The following AP4E1 variants were observed in gnomAD, a reference collection of about 807,000 sequenced individuals.
AP4E1 encodes the protein AP-4 complex subunit epsilon-1.
In AP4E1, 56 loss-of-function variants were observed where a neutral mutation model predicts 128.2. The ratio of observed to expected loss-of-function variants is 0.44; its 90% CI spans 0.35 to 0.55. The LOEUF (loss-of-function observed/expected upper bound fraction) is 0.55. Among genes scored for constraint, AP4E1 ranks in the 20% least tolerant of loss-of-function variants. AP4E1 has a pLI of 0.00. For missense variants in AP4E1, 1,324 were observed against 1,307.7 expected, an observed-to-expected ratio of 1.01 and a Z score of -0.19; for synonymous variants, 484 against 473.1, an observed-to-expected ratio of 1.02 and a Z score of -0.30.
chr15:50,942,117 A>C (rs1255811714), intron 10 of AP4E1, among the ~76,000 whole-genome samples: 1 of 152,154 alleles, frequency 6.6e-6, no homozygotes, highest in Non-Finnish European at 1.5e-5. Flanking sequence ...GGGTTTCACC[A>C]TATTGGCCAG....
At chr15:50,985,865 G>C (rs1185828931) in intron 16 of AP4E1, among the ~76,000 whole-genome samples, 1 of 152,192 alleles carries the variant, frequency 6.6e-6, no homozygotes, top group Non-Finnish European at 1.5e-5. Flanking sequence ...TTGGTAGCTT[G>C]ATGGGGATGG....
chr15:50,986,225 T>C (rs2064721373), intron 16 of AP4E1, among the ~76,000 whole-genome samples: 1 of 152,198 alleles, frequency 6.6e-6, no homozygotes, highest in African/African-American at 2.4e-5. Flanking sequence ...TGTGGGGTTT[T>C]CTAGATATAC....
intron 19 of AP4E1, 65 bp downstream of exon 19, chr15:50,999,327 C>A: frequency 7.2e-7 from 1 of 1,390,832 alleles, no homozygotes; most frequent in East Asian, 2.4e-5. Context: ...GACCTCTTCT[C>A]TGGATGGAGG....
chr15:50,915,281 A>G (rs2063616335), intron 2 of AP4E1, 167 bp from the exon 3 acceptor site: 3 of 675,714 alleles, frequency 4.4e-6, no homozygotes, highest in Non-Finnish European at 7.3e-6. Context: ...TAAGATCAGG[A>G]GCAATTTTTA....
At chr15:50,907,839 T>C (rs1268198873), upstream of AP4E1, among the ~76,000 whole-genome samples, 8 of 152,190 alleles carry the variant, frequency 5.3e-5, no homozygotes, top group Non-Finnish European at 8.8e-5. Context: ...TCGAGAGCCA[T>C]TGTACCAGAC....
intron 15 of AP4E1, among the ~76,000 whole-genome samples, chr15:50,972,611 T>G (rs1342542460): frequency 6.6e-6 from 1 of 152,146 alleles, no homozygotes; most frequent in Non-Finnish European, 1.5e-5. Flanking sequence ...TCACCAAGGG[T>G]GGGTTTCCCA....
intron 3 of AP4E1, among the ~76,000 whole-genome samples, chr15:50,919,540 AAAT>A (rs2063669678): frequency 4.8e-5 from 1 of 20,972 alleles, no homozygotes; most frequent in African/African-American, 2.9e-4. Flanking sequence ...CTCAAAAAAT[AAAT>A]AAATAAATAA....
At chr15:50,971,873 T>C (rs71471586) in intron 15 of AP4E1, among the ~76,000 whole-genome samples, 1 of 152,186 alleles carries the variant, frequency 6.6e-6, no homozygotes, top group Non-Finnish European at 1.5e-5. Context: ...CATTGAATTG[T>C]CTGTCTGTAT....
chr15:50,908,808 G>A lies in AP4E1; in HGVS notation c.30G>A (p.Thr10=), dbSNP rs771366562. The change falls in exon 1 of 21, where the codon ACG becomes ACA. Residue 10 remains threonine, a synonymous_variant. Transcript: ENST00000261842. MSDIVEKTL[T]ALPGLFLQNQ... ...GCGACATAGTGGAGAAGACGCTGAC[G>A]GCGCTGCCGGGACTCTTTCTGCAGA... The A allele has an allele frequency of 3.7e-6, 6 of 1,600,504 alleles. No homozygotes were observed. Among genetic ancestry groups the A allele is most frequent in the South Asian group, 2.2e-5 (2 of 89,176 alleles).
At chr15:50,991,550 T>G (rs957285653) in intron 16 of AP4E1, among the ~76,000 whole-genome samples, 4 of 152,036 alleles carry the variant, frequency 2.6e-5, no homozygotes, top group Admixed American at 2.6e-4. Context: ...TATAACTTTT[T>G]TTTTTCTTTA....
upstream of AP4E1, among the ~76,000 whole-genome samples, chr15:50,908,048 T>C (rs1217198968): frequency 6.6e-6 from 1 of 152,180 alleles, no homozygotes; most frequent in Admixed American, 6.5e-5. Flanking sequence ...AACTGCGACC[T>C]GCTGAGGAGG....
chr15:50,986,382 T>C (rs1296629088), intron 16 of AP4E1, among the ~76,000 whole-genome samples: 1 of 152,230 alleles, frequency 6.6e-6, no homozygotes, highest in African/African-American at 2.4e-5. Context: ...CCCTGTCTTG[T>C]GCCACTTTTC....
At chr15:50,908,323 G>C (rs953604372), upstream of AP4E1, among the ~76,000 whole-genome samples, 2 of 152,198 alleles carry the variant, frequency 1.3e-5, no homozygotes, top group African/African-American at 2.4e-5. Flanking sequence ...GCGCGCTCCG[G>C]GGACAGTGAG....
intron 10 of AP4E1, chr15:50,945,259 G>GA: frequency 2.5e-6 from 2 of 784,670 alleles, no homozygotes; most frequent in Non-Finnish European, 4.7e-6. Context: ...GACAGTGTAA[G>GA]TAGTGTTAAA....
At chr15:50,956,477 C>T (rs560642817) in intron 13 of AP4E1, among the ~76,000 whole-genome samples, 6 of 152,092 alleles carry the variant, frequency 3.9e-5, no homozygotes, top group Admixed American at 6.6e-5. Flanking sequence ...AAGAAATATC[C>T]GAGACTGGGT....
Position 50,997,732 on chromosome 15 carries a change from CT to C in AP4E1, c.2754del (p.Met919TrpfsTer23). The C allele has an allele frequency of 6.2e-7, 1 of 1,613,774 alleles. No individual in the cohort carries two copies. Among genetic ancestry groups the C allele is most frequent in the Non-Finnish European group, 8.5e-7 (1 of 1,179,932 alleles). On this transcript the variant is annotated frameshift_variant, in exon 18 of 21. Coordinates refer to ENST00000261842, the MANE Select transcript of AP4E1 (RefSeq NM_007347.5). LOFTEE classifies it high-confidence loss of function. ...EETTEYIHSN[A>X]MEVCNNETIS... ...ACTACTGAATACATACACTCAAATG[CT>C]ATGGAAGTCTGTAATAATGAAACTA...
chr15:50,998,995 A>C (rs1240685292), intron 18 of AP4E1, 77 bp from the exon 19 acceptor site: 4 of 1,362,862 alleles, frequency 2.9e-6, no homozygotes, highest in South Asian at 2.4e-5. Flanking sequence ...ACTTCAATTA[A>C]ATAGAAAATT....
chr15:50,959,736 T>A (rs562522999), intron 14 of AP4E1, among the ~76,000 whole-genome samples: 4 of 151,866 alleles, frequency 2.6e-5, no homozygotes, highest in Non-Finnish European at 5.9e-5. Context: ...AAGGAAAAAA[T>A]GTATAAAACA....
chr15:50,949,847 G>C lies in AP4E1; in HGVS notation c.1338G>C (p.Trp446Cys). The change falls in exon 12 of 21, where the codon TGG becomes TGC. Residue 446 changes from tryptophan (W) to cysteine (C), a missense_variant. By Grantham distance (215) the Trp-to-Cys change is radical. Transcript: ENST00000261842. ...ACACATATGCTCCTGATAATGCATG[G>C]TTTATTCAGACAATGAATGCTGTGT... ...LAEKYAPDNA[W>C]FIQTMNAVFS... 1 of 1,613,432 alleles carries C rather than the reference G, an allele frequency of 6.2e-7. No individual in the cohort carries two copies. Among genetic ancestry groups the C allele is most frequent in the Non-Finnish European group, 8.5e-7 (1 of 1,179,552 alleles).
Sources: allele counts gnomAD v4.1 joint callset (sites outside exome capture counted in the v4.1 genomes callset), GRCh38; gene constraint gnomAD v4.1.1; transcripts MANE v1.5; gene names NCBI Gene and HGNC (gene_info 2026-07-23, HGNC 2026-07-21).